The following GLI3 variants were observed in gnomAD, a reference collection of about 807,000 sequenced individuals.
GLI3 encodes GLI family zinc finger 3.
In GLI3, 20 loss-of-function variants were observed where a neutral mutation model predicts 100.8. The ratio of observed to expected loss-of-function variants is 0.20; its 90% CI spans 0.14 to 0.29. The LOEUF is 0.29. GLI3 is among the 10% of genes least tolerant of loss of function. GLI3 has a pLI of 1.00. For synonymous variants in GLI3, 938 were observed against 860.5 expected (o/e 1.09, Z -1.58); for missense variants, 2,040 against 2,128.5 (o/e 0.96, Z 0.82).
chr7:42,229,616 AT>A (rs1352708329), intron 1 of GLI3, among the ~76,000 whole-genome samples: 1 of 152,192 alleles, frequency 6.6e-6, no homozygotes, highest in Non-Finnish European at 1.5e-5. Flanking sequence ...GAAGAGTGAC[AT>A]TGCTCTCATA....
Position 41,962,300 on chromosome 7 carries a change from A to G in GLI3, c.*2030T>C, listed in dbSNP as rs1298347022. On this transcript the variant is annotated 3_prime_UTR_variant, in exon 15 of 15. Transcript: ENST00000395925. ...GAACCAAACCATTAGAGCACACAAG[A>G]TAAGACTGGAGATTTGGAGATTTGT... The G allele has an allele frequency of 6.6e-6, 1 of 152,242 alleles. No individual in the cohort carries two copies. Among genetic ancestry groups the G allele is most frequent in the Non-Finnish European group, 1.5e-5 (1 of 68,040 alleles). The allele number at this position is 152,242 out of a possible 1,614,324, so 9.4% of individuals were successfully genotyped here. A position where few individuals can be genotyped will look rare whatever the true frequency, so the allele number is the denominator to read the frequency against.
chr7:41,970,867 A>G (rs1045021603), intron 13 of GLI3, among the ~76,000 whole-genome samples: 1 of 152,180 alleles, frequency 6.6e-6, no homozygotes, highest in African/African-American at 2.4e-5. Context: ...CAATTATTAT[A>G]CAGGTAGGCT....
intron 10 of GLI3, among the ~76,000 whole-genome samples, chr7:41,993,311 T>A (rs924745954): frequency 6.6e-6 from 1 of 152,142 alleles, no homozygotes; most frequent in Non-Finnish European, 1.5e-5. Context: ...TGTGGTCACG[T>A]CTAGGATGGG....
intron 1 of GLI3, among the ~76,000 whole-genome samples, chr7:42,253,552 T>C (rs937618823): frequency 1.2e-4 from 19 of 152,198 alleles, no homozygotes; most frequent in African/African-American, 4.1e-4. Flanking sequence ...GGCTCACCAA[T>C]TGGGAACTTC....
At chr7:41,994,068 A>G (rs1429217454) in intron 10 of GLI3, among the ~76,000 whole-genome samples, 1 of 152,214 alleles carries the variant, frequency 6.6e-6, no homozygotes, top group Non-Finnish European at 1.5e-5. Flanking sequence ...TTAAATGGTA[A>G]CCCTAACTTT....
intron 10 of GLI3, among the ~76,000 whole-genome samples, chr7:41,990,719 T>C (rs1457284791): frequency 2.0e-5 from 3 of 152,182 alleles, no homozygotes; most frequent in Admixed American, 2.0e-4. Context: ...GGTAGAGAAG[T>C]GTTTTTGGTA....
chr7:42,215,249 G>A (rs1788352050), intron 2 of GLI3, among the ~76,000 whole-genome samples: 1 of 152,148 alleles, frequency 6.6e-6, no homozygotes, highest in Non-Finnish European at 1.5e-5. Context: ...AAAACTCATA[G>A]AACGGCACAC....
At chr7:42,069,021 G>GC in intron 4 of GLI3, among the ~76,000 whole-genome samples, 1 of 152,288 alleles carries the variant, frequency 6.6e-6, no homozygotes, top group Non-Finnish European at 1.5e-5. Context: ...GTCTGTTACA[G>GC]CCCAGTACCT....
intron 2 of GLI3, among the ~76,000 whole-genome samples, chr7:42,220,040 G>A (rs1215275770): frequency 6.6e-6 from 1 of 151,992 alleles, no homozygotes; most frequent in Admixed American, 6.6e-5. Context: ...TTTTAGTAGA[G>A]ACGGGGTTTC....
At chr7:42,246,536 A>G (rs1029203253) in intron 1 of GLI3, among the ~76,000 whole-genome samples, 8 of 152,008 alleles carry the variant, frequency 5.3e-5, no homozygotes, top group Non-Finnish European at 8.8e-5. Context: ...CTGCATATAC[A>G]CTCCTAAGAG....
intron 3 of GLI3, among the ~76,000 whole-genome samples, chr7:42,078,808 T>C (rs1784936675): frequency 1.3e-5 from 2 of 148,434 alleles, no homozygotes; most frequent in South Asian, 2.2e-4. Flanking sequence ...CGGCTCACTG[T>C]GAGCTCCACC....
At chr7:42,133,790 A>G (rs1449568597) in intron 3 of GLI3, among the ~76,000 whole-genome samples, 1 of 152,110 alleles carries the variant, frequency 6.6e-6, no homozygotes, top group Non-Finnish European at 1.5e-5. Flanking sequence ...AAAAAAATTA[A>G]GAACATCCTA....
At chr7:42,253,371 C>A (rs953376500) in intron 1 of GLI3, among the ~76,000 whole-genome samples, 16 of 152,208 alleles carry the variant, frequency 1.1e-4, no homozygotes, top group African/African-American at 2.9e-4. Flanking sequence ...GAGCAGCAGG[C>A]ATTAGTTGGG....
chr7:42,193,297 T>C (rs1356322610), intron 2 of GLI3, among the ~76,000 whole-genome samples: 3 of 152,100 alleles, frequency 2.0e-5, no homozygotes, highest in Non-Finnish European at 4.4e-5. Context: ...TTATAAACAA[T>C]GAGCCCATTC....
chr7:42,082,792 G>A lies in GLI3; in HGVS notation c.368-5935C>T, dbSNP rs529028814. Among the ~76,000 whole-genome samples, 3 of 152,116 alleles carry A rather than the reference G, an allele frequency of 2.0e-5. No individual in the cohort carries two copies. The South Asian group carries it at 6.2e-4, about 32-fold the overall frequency. On this transcript the variant is annotated intron_variant, in intron 3 of 14. Transcript: ENST00000395925. ...TTTTTTTTAAATTATCTATTATTTT[G>A]TCACTTTACACAATGGCAGGAGCCT... is the stretch of plus-strand genomic sequence containing the variant.
At chr7:42,187,420 G>A (rs1381643151) in intron 2 of GLI3, among the ~76,000 whole-genome samples, 1 of 152,086 alleles carries the variant, frequency 6.6e-6, no homozygotes. Flanking sequence ...GAAGATGATG[G>A]CAACATAAGA....
intron 2 of GLI3, among the ~76,000 whole-genome samples, chr7:42,191,650 C>CAAA (rs774316500): frequency 6.8e-6 from 1 of 146,626 alleles, no homozygotes; most frequent in Non-Finnish European, 1.5e-5. Flanking sequence ...AACTCCGTTT[C>CAAA]AAAAAATATA....
At chr7:42,145,333 C>T (rs1043534516) in intron 3 of GLI3, 21 of 382,438 alleles carry the variant, frequency 5.5e-5, no homozygotes, top group Non-Finnish European at 7.8e-5. Context: ...TATGTTCCTG[C>T]ATGTATTAAA....
intron 1 of GLI3, among the ~76,000 whole-genome samples, chr7:42,232,604 C>T (rs1203825659): frequency 2.6e-5 from 4 of 152,268 alleles, no homozygotes; most frequent in East Asian, 3.9e-4. Context: ...AACTGGCTAG[C>T]GTTCTCTTGG....
Sources: allele counts gnomAD v4.1 joint callset (sites outside exome capture counted in the v4.1 genomes callset), GRCh38; gene constraint gnomAD v4.1.1; transcripts MANE v1.5; gene names NCBI Gene and HGNC (gene_info 2026-07-23, HGNC 2026-07-21).